Variants in ATP9A observed in about 807,000 individuals in gnomAD.
The protein encoded by ATP9A is ATPase phospholipid transporting 9A.
Under a neutral mutation model 144.1 loss-of-function variants are expected in ATP9A, and 52 were observed. That is an observed-to-expected ratio of 0.36 (90% CI 0.29 to 0.45). The LOEUF (loss-of-function observed/expected upper bound fraction) is 0.45, where lower values mean the gene tolerates loss of function less well. Ranked by LOEUF, ATP9A falls within the 20% of genes least tolerant of loss-of-function variation. ATP9A has a pLI of 1.00. For synonymous variants in ATP9A, 582 were observed against 557.4 expected (o/e 1.04, Z -0.62); for missense variants, 947 against 1,392.7 (o/e 0.68, Z 5.09).
chr20:51,708,087 T>C (rs1249336314), intron 4 of ATP9A, among the ~76,000 whole-genome samples: 1 of 152,148 alleles, frequency 6.6e-6, no homozygotes. Context: ...AATTTGATTA[T>C]CAAAGTACTT....
intron 1 of ATP9A, among the ~76,000 whole-genome samples, chr20:51,738,394 C>T (rs1019258038): frequency 6.6e-6 from 1 of 152,182 alleles, no homozygotes. Flanking sequence ...TAGGGCAGCA[C>T]AAGCTCCATC....
At chr20:51,637,277 A>G (rs1438154226) in intron 15 of ATP9A, among the ~76,000 whole-genome samples, 1 of 143,802 alleles carries the variant, frequency 7.0e-6, no homozygotes, top group Non-Finnish European at 1.5e-5. Context: ...GTTTATTTTA[A>G]GTATCTTATT....
intron 4 of ATP9A, among the ~76,000 whole-genome samples, chr20:51,705,602 T>G (rs1157746553): frequency 6.6e-6 from 1 of 152,200 alleles, no homozygotes; most frequent in Non-Finnish European, 1.5e-5. Context: ...TCAAGGCTAA[T>G]TGTCCGCTTG....
At position 51,757,552 on chromosome 20, in the gene ATP9A, C is replaced by G. The variant is rs189121732; in HGVS notation, c.68+10750G>C. 1.4e-3 allele frequency among the ~76,000 whole-genome samples: 213 copies of G among 152,266 alleles called. 2 individuals carry two copies. Among genetic ancestry groups the G allele is most frequent in the East Asian group, 3.9e-4 (2 of 5,190 alleles). On this transcript the variant is annotated intron_variant, in intron 1 of 27. Coordinates refer to ENST00000338821, the MANE Select transcript of ATP9A (RefSeq NM_006045.3). ...TTCTCACCAGAAGCCTTTCCCTGCT[C>G]GCACAGGGCCTCTTCCAACTGTCTT...
Position 51,764,618 on chromosome 20 carries a change from T to C in ATP9A, c.68+3684A>G, listed in dbSNP as rs8115520. Reference sequence around the variant, plus strand: ...TCCACAGCTTTATTGCCTAGAACCATTAGGTGAAATGGGTGGATCCGGTTC... The same window carrying C: ...TCCACAGCTTTATTGCCTAGAACCACTAGGTGAAATGGGTGGATCCGGTTC... On this transcript the variant is annotated intron_variant, in intron 1 of 27. Coordinates refer to ENST00000338821, the MANE Select transcript of ATP9A (RefSeq NM_006045.3). Among the ~76,000 whole-genome samples, 399 of 152,270 alleles carry C rather than the reference T, an allele frequency of 2.6e-3. 4 individuals carry two copies. The highest frequency in any genetic ancestry group is 9.2e-3 in the African/African-American group (384 of 41,548).
At chr20:51,615,731 G>C (rs1164355824) in intron 22 of ATP9A, among the ~76,000 whole-genome samples, 1 of 152,176 alleles carries the variant, frequency 6.6e-6, no homozygotes, top group Non-Finnish European at 1.5e-5. Flanking sequence ...TGCCTCCCGG[G>C]TTCAAGCAAT....
intron 3 of ATP9A, among the ~76,000 whole-genome samples, chr20:51,722,504 C>A (rs2077693929): frequency 6.6e-6 from 1 of 152,128 alleles, no homozygotes; most frequent in Non-Finnish European, 1.5e-5. Flanking sequence ...AAGAAAAAAA[C>A]AAACAATCCC....
rs2255341 is a variant in ATP9A at position 51,671,197 on chromosome 20, C to A, written c.1098G>T (p.Ser366=). The A allele has an allele frequency of 6.2e-7, 1 of 1,613,798 alleles. No homozygotes were observed. The highest frequency in any genetic ancestry group is 8.5e-7 in the Non-Finnish European group (1 of 1,179,904). ...IVYSWVIRRD[S]KIPGTVVRSS... is the part of the protein sequence containing the mutation. The stretch of plus-strand genomic sequence containing the variant: ...AGCGAACCACGGTCCCGGGGATTTT[C>A]GAGTCCCTTCGAATCACCCAGCTGT... Residue 366 remains serine, a synonymous_variant, in exon 12 of 28, where the codon TCG becomes TCT. Transcript: ENST00000338821.
At chr20:51,768,233 C>T (rs2077914269) in intron 1 of ATP9A, 69 bp downstream of exon 1, 1 of 1,075,628 alleles carries the variant, frequency 9.3e-7, no homozygotes, top group East Asian at 3.5e-5. Context: ...TCAGGCCCGG[C>T]CAGGCTGGCC....
At chr20:51,648,612 C>CT (rs2077351622) in intron 14 of ATP9A, among the ~76,000 whole-genome samples, 2 of 152,150 alleles carry the variant, frequency 1.3e-5, no homozygotes, top group Admixed American at 6.5e-5. Context: ...AGGACAGTTG[C>CT]TTGAGTTTGG....
At chr20:51,764,909 C>G (rs7269624) in intron 1 of ATP9A, among the ~76,000 whole-genome samples, 7,724 of 152,052 alleles carry the variant, frequency 0.051, 394 homozygotes, top group African/African-American at 0.13. Context: ...TTAGTAGAGA[C>G]AGGGTTTCAC....
chr20:51,602,742 T>C (rs575734162), intron 27 of ATP9A, among the ~76,000 whole-genome samples: 2 of 152,366 alleles, frequency 1.3e-5, no homozygotes, highest in Non-Finnish European at 2.9e-5. Flanking sequence ...GCTTCCAGGG[T>C]AAGGTCGAGT....
chr20:51,762,167 C>T (rs2077883602), intron 1 of ATP9A, among the ~76,000 whole-genome samples: 1 of 152,096 alleles, frequency 6.6e-6, no homozygotes, highest in Non-Finnish European at 1.5e-5. Context: ...GAGTTCAAGG[C>T]CAGCTTGGCC....
intron 9 of ATP9A, among the ~76,000 whole-genome samples, chr20:51,686,365 T>TA (rs59119648): frequency 0.6 from 87,060 of 145,506 alleles, 25,882 homozygotes; most frequent in Non-Finnish European, 0.62. Context: ...AAAGTATAAT[T>TA]AAAAAAAAAA....
Position 51,725,225 on chromosome 20 carries a change from C to T in ATP9A, c.327+594G>A, listed in dbSNP as rs370597903. On this transcript the variant is annotated intron_variant, in intron 3 of 27. Coordinates refer to ENST00000338821, the MANE Select transcript of ATP9A (RefSeq NM_006045.3). ...GCAACCTCTGCCTCTCAGGTTCAAG[C>T]GATTCTCCTGCCTCAGCCTCACAAG... is the stretch of plus-strand genomic sequence containing the variant. 3.4e-3 allele frequency among the ~76,000 whole-genome samples: 522 copies of T among 152,240 alleles called. 8 individuals are homozygous for T. The highest frequency in any genetic ancestry group is 0.012 in the African/African-American group (507 of 41,544).
rs773653546 is a variant in ATP9A, at chr20:51,696,118, G to C, written c.522C>G (p.Ile174Met). ...CGTTTTTTTCTGATGTCCTCAGGAAGATCATGTCGGCAGGGACCCGCTGGT... is the reference window on the plus strand; with the variant it reads ...CGTTTTTTTCTGATGTCCTCAGGAACATCATGTCGGCAGGGACCCGCTGGT... ...EKNQRVPADM[I>M]FLRTSEKNGS... Residue 174 changes from isoleucine (I) to methionine (M), a missense_variant, in exon 6 of 28, where the codon ATC (isoleucine) becomes ATG (methionine). This residue lies in a region of ATP9A where 770 missense variants were observed against 1,047.9 expected (regional missense o/e 0.73). Coordinates refer to ENST00000338821, the MANE Select transcript of ATP9A (RefSeq NM_006045.3). 6.2e-7 allele frequency: 1 copy of C among 1,613,944 alleles called. No homozygotes were observed. The highest frequency in any genetic ancestry group is 1.7e-5 in the Admixed American group (1 of 60,016).
chr20:51,615,326 T>A (rs1190049211), intron 22 of ATP9A, among the ~76,000 whole-genome samples: 1 of 152,230 alleles, frequency 6.6e-6, no homozygotes, highest in Non-Finnish European at 1.5e-5. Flanking sequence ...TTTCAACTTT[T>A]GACATTTTTC....
chr20:51,753,323 T>C (rs1296003756), intron 1 of ATP9A, among the ~76,000 whole-genome samples: 1 of 152,104 alleles, frequency 6.6e-6, no homozygotes, highest in Non-Finnish European at 1.5e-5. Context: ...TGTGCACCTG[T>C]AGTCCTAGCT....
rs35997419 is a variant in ATP9A at position 51,600,807 on chromosome 20, A to AACACACAC, written c.*396_*403dup. Reference sequence around the variant, plus strand: ...TACATACACATTAGGACTCTTTAAAAACACACACACACACACACACACACA... The same window carrying AACACACAC: ...TACATACACATTAGGACTCTTTAAAAACACACACACACACACACACACACACACACACA... On this transcript the variant is annotated 3_prime_UTR_variant, in exon 28 of 28. Coordinates refer to ENST00000338821, the MANE Select transcript of ATP9A (RefSeq NM_006045.3). 1,432 of 120,578 alleles carry AACACACAC rather than the reference A, an allele frequency of 0.012. 16 individuals are homozygous for AACACACAC. The highest frequency in any genetic ancestry group is 0.049 in the East Asian group (237 of 4,838). 7.5% of individuals were successfully genotyped at this position (120,578 alleles called of 1,614,324 possible). A position where few individuals can be genotyped will look rare whatever the true frequency, so the allele number is the denominator to read the frequency against.
Sources: allele counts gnomAD v4.1 joint callset (sites outside exome capture counted in the v4.1 genomes callset), GRCh38; gene constraint gnomAD v4.1.1; regional missense constraint gnomAD v4.1.1; transcripts MANE v1.5; gene names NCBI Gene and HGNC (gene_info 2026-07-23, HGNC 2026-07-21).